The following PPFIA4 variants were observed in gnomAD, a reference collection of about 807,000 sequenced individuals.
The protein encoded by PPFIA4 is PPFI scaffold protein A4, also known as liprin-alpha-4.
A neutral mutation model predicts 145.7 loss-of-function variants in PPFIA4; 98 were observed. The observed-to-expected ratio is 0.67, with a 90% CI of 0.57 to 0.80. PPFIA4 has a LOEUF of 0.80. Ranked by LOEUF, PPFIA4 falls within the 30% of genes least tolerant of loss-of-function variation. The probability of loss-of-function intolerance (pLI) is 0.00; values close to 1 mark genes in which losing one functional copy is unlikely to be tolerated. For missense variants in PPFIA4, 1,457 were observed against 1,632.7 expected (o/e 0.89, Z 1.85); for synonymous variants, 628 against 649.6 (o/e 0.97, Z 0.51).
At chr1:203,032,041 C>CGT (rs66626205) in intron 1 of PPFIA4, among the ~76,000 whole-genome samples, 1,879 of 146,442 alleles carry the variant, frequency 0.013, 16 homozygotes, top group Middle Eastern at 0.027. Flanking sequence ...TCTGAGAGAA[C>CGT]GTGTGTGTGT....
intron 15 of PPFIA4, among the ~76,000 whole-genome samples, chr1:203,054,709 CACAG>C (rs1660787226): frequency 2.7e-5 from 4 of 150,876 alleles, no homozygotes; most frequent in East Asian, 3.9e-4. Flanking sequence ...CACATACACA[CACAG>C]AGAGAGAGAG....
chr1:203,029,558 A>G (rs1658673059), intron 1 of PPFIA4, among the ~76,000 whole-genome samples: 2 of 152,244 alleles, frequency 1.3e-5, no homozygotes, highest in African/African-American at 4.8e-5. Context: ...TTTTGCTTTC[A>G]TAACAGTATC....
In PPFIA4 at chr1:203,076,697, C is replaced by T. The variant is rs543004043; in HGVS notation, c.*307C>T. The T allele has an allele frequency of 3.1e-4, 141 of 457,052 alleles. 1 individual carries two copies. The South Asian group carries it at 3.2e-3, about 10-fold the overall frequency. 28.3% of individuals were successfully genotyped at this position (457,052 alleles called of 1,614,324 possible). ...AGCTCAGGGTGGATGTGAAGCCACC[C>T]TTCCTCTTCTGGACCCAGCCTGGTC... On this transcript the variant is annotated 3_prime_UTR_variant, in exon 30 of 30. Coordinates refer to ENST00000295706, the MANE Select transcript of PPFIA4 (RefSeq NM_001304331.2).
Position 203,060,291 on chromosome 1 carries a change from T to C in PPFIA4, c.2658T>C (p.Ala886=). 6.2e-7 allele frequency: 1 copy of C among 1,614,082 alleles called. No homozygotes were observed. Among genetic ancestry groups the C allele is most frequent in the Non-Finnish European group, 8.5e-7 (1 of 1,179,964 alleles). Residue 886 remains alanine (A), a synonymous_variant, in exon 22 of 30, where the codon GCT becomes GCC. Transcript: ENST00000295706. This position sits in a 1 kb window ranked among gnomAD's most constrained non-coding sequence, Gnocchi z 4.8. ...ANVKSGAIMS[A]LSDTEIQREI... ...TCAAGAGTGGTGCCATCATGTCCGC[T>C]CTGTCGGACACAGAGATCCAGCGGG...
At chr1:203,038,044 T>G (rs1659424053) in intron 1 of PPFIA4, among the ~76,000 whole-genome samples, 1 of 152,218 alleles carries the variant, frequency 6.6e-6, no homozygotes, top group South Asian at 2.1e-4. Flanking sequence ...GTACCCAGTC[T>G]GTGCCTCTCC....
chr1:203,053,569 C>T (rs1660689279), intron 14 of PPFIA4, 184 bp from the exon 15 acceptor site: 2 of 583,220 alleles, frequency 3.4e-6, no homozygotes, highest in South Asian at 2.1e-5. Context: ...AACCAAAAAA[C>T]CACCCAGGGG....
Position 203,055,731 on chromosome 1 carries a change from T to C in PPFIA4, c.2070+59T>C. Reference sequence around the variant, plus strand: ...CTGGACCCTGCACCGGGGGAGGTTTTAAGGGATGGTAGGACTCACGTGCTC... The same window carrying C: ...CTGGACCCTGCACCGGGGGAGGTTTCAAGGGATGGTAGGACTCACGTGCTC... On this transcript the variant is annotated intron_variant, in intron 16 of 29. Transcript: ENST00000295706. The surrounding 1 kb of genome is among the most constrained non-coding windows in gnomAD (Gnocchi z 4.8). 6.2e-7 allele frequency: 1 copy of C among 1,602,394 alleles called. No homozygotes were observed. Among genetic ancestry groups the C allele is most frequent in the Non-Finnish European group, 8.5e-7 (1 of 1,172,452 alleles).
intron 25 of PPFIA4, among the ~76,000 whole-genome samples, chr1:203,066,250 G>A (rs555099588): frequency 3.9e-5 from 6 of 152,308 alleles, no homozygotes; most frequent in South Asian, 2.1e-4. Flanking sequence ...TTAAACCAGC[G>A]GCTTGAGCAA....
intron 25 of PPFIA4, among the ~76,000 whole-genome samples, chr1:203,066,277 G>A (rs954230579): frequency 6.6e-6 from 1 of 152,184 alleles, no homozygotes; most frequent in African/African-American, 2.4e-5. Context: ...GGTGGCTTGG[G>A]CCAGAAAAGG....
At chr1:203,046,448 C>G in intron 9 of PPFIA4, 66 bp downstream of exon 9, 1 of 1,504,970 alleles carries the variant, frequency 6.6e-7, no homozygotes, top group Non-Finnish European at 8.9e-7. Flanking sequence ...GGGAGCCAGG[C>G]AGGGAAGGGA....
At chr1:203,063,772 G>T in intron 24 of PPFIA4, 56 bp from the exon 25 acceptor site, 1 of 1,592,548 alleles carries the variant, frequency 6.3e-7, no homozygotes. Flanking sequence ...ACCAGCCTCA[G>T]CCTGCTGGCT....
chr1:203,028,652 T>C (rs1320948034), intron 1 of PPFIA4, among the ~76,000 whole-genome samples: 4 of 151,972 alleles, frequency 2.6e-5, no homozygotes, highest in African/African-American at 9.7e-5. Context: ...TGTGTGTGTG[T>C]GTGCACACGC....
In PPFIA4 at chr1:203,052,263, G is replaced by A. The variant is rs76525090; in HGVS notation, c.1620+386G>A. On this transcript the variant is annotated intron_variant, in intron 14 of 29. Transcript: ENST00000295706. ...AGCTGTGGTTCATGGCGGAGACGAG[G>A]GAGGGATGACAGGTTAACTGGCCCT... 9.0e-3 allele frequency among the ~76,000 whole-genome samples: 1,363 copies of A among 152,282 alleles called. 56 individuals carry two copies. The highest frequency in any genetic ancestry group is 0.065 in the Admixed American group (995 of 15,294).
chr1:203,044,871 C>A, intron 6 of PPFIA4, 86 bp downstream of exon 6: 1 of 1,076,750 alleles, frequency 9.3e-7, no homozygotes, highest in Non-Finnish European at 1.4e-6. Flanking sequence ...GTTCAGTAGA[C>A]TAACTGCTTG....
chr1:203,061,561 T>C, intron 23 of PPFIA4, 91 bp from the exon 24 acceptor site: 3 of 1,346,976 alleles, frequency 2.2e-6, no homozygotes, highest in Admixed American at 2.7e-5. Flanking sequence ...CTGGGATGTC[T>C]TTTTCCTCTC....
At chr1:203,070,939 A>G (rs1662109025) in intron 27 of PPFIA4, among the ~76,000 whole-genome samples, 1 of 146,552 alleles carries the variant, frequency 6.8e-6, no homozygotes, top group African/African-American at 2.5e-5. Flanking sequence ...TATGTGTTCT[A>G]TGATCCCACT....
At position 203,048,265 on chromosome 1, in the gene PPFIA4, G is replaced by A; in HGVS notation, c.1179G>A (p.Arg393=). Residue 393 remains arginine (R), a synonymous_variant, in exon 10 of 30, where the codon CGG becomes CGA. Transcript: ENST00000295706. This position sits in a 1 kb window ranked among gnomAD's most constrained non-coding sequence, Gnocchi z 5.8. ...ATGGCAACATTGAGGAGCACCTGCG[G>A]CAGCTGGAGGGACAGCTGGAGGAGA... is the stretch of plus-strand genomic sequence containing the variant. ...ERHGNIEEHL[R]QLEGQLEEKN... is the part of the protein sequence containing the mutation. 1.2e-6 allele frequency: 2 copies of A among 1,612,850 alleles called. No homozygotes were observed. The highest frequency in any genetic ancestry group is 1.7e-6 in the Non-Finnish European group (2 of 1,179,844).
Position 203,049,680 on chromosome 1 carries a change from G to T in PPFIA4, c.1424G>T (p.Arg475Leu). 6.9e-7 allele frequency: 1 copy of T among 1,439,614 alleles called. No homozygotes were observed. Among genetic ancestry groups the T allele is most frequent in the Non-Finnish European group, 9.3e-7 (1 of 1,077,988 alleles). The allele number at this position is 1,439,614 out of a possible 1,614,324, so 89.2% of individuals were successfully genotyped here. A position where few individuals can be genotyped will look rare whatever the true frequency, so the allele number is the denominator to read the frequency against. The change falls in exon 13 of 30, where the codon CGC becomes CTC. Residue 475 changes from arginine (R) to leucine (L), a missense_variant. Arg to Leu is a moderately radical substitution (Grantham distance 102). Coordinates refer to ENST00000295706, the MANE Select transcript of PPFIA4 (RefSeq NM_001304331.2). Reference sequence around the variant, plus strand: ...ACCCCGGGTCTGCTGGCACAGGGCCGCCTGTCTGAAGAGATTGAGAAGCTG... The same window carrying T: ...ACCCCGGGTCTGCTGGCACAGGGCCTCCTGTCTGAAGAGATTGAGAAGCTG... ...QIEEQHHHKG[R>L]LSEEIEKLRQ...
In PPFIA4 at chr1:203,048,593, G is replaced by A. The variant is rs775013516; in HGVS notation, c.1235G>A (p.Arg412Gln). ...CAGACGGCTGTGCAGGTGCGCCAGCGGGAAAAGATGAATGAGGACCACAAC... is the reference window on the plus strand; with the variant it reads ...CAGACGGCTGTGCAGGTGCGCCAGCAGGAAAAGATGAATGAGGACCACAAC... ...KNQELARVRQ[R>Q]EKMNEDHNKR... The change falls in exon 11 of 30, where the codon CGG (arginine) becomes CAG (glutamine). Residue 412 changes from arginine (R) to glutamine (Q), a missense_variant. Arg to Gln is a conservative substitution (Grantham distance 43). Coordinates refer to ENST00000295706, the MANE Select transcript of PPFIA4 (RefSeq NM_001304331.2). This position sits in a 1 kb window ranked among gnomAD's most constrained non-coding sequence, Gnocchi z 5.8. 7.6e-6 allele frequency: 12 copies of A among 1,586,216 alleles called. No homozygotes were observed. Among genetic ancestry groups the A allele is most frequent in the East Asian group, 2.3e-5 (1 of 43,300 alleles).
Sources: allele counts gnomAD v4.1 joint callset (sites outside exome capture counted in the v4.1 genomes callset), GRCh38; gene constraint gnomAD v4.1.1; non-coding constraint Gnocchi (gnomAD v3.1); transcripts MANE v1.5; gene names NCBI Gene and HGNC (gene_info 2026-07-23, HGNC 2026-07-21).